Variants in EML1 observed in about 807,000 individuals in gnomAD.
EML1 encodes the protein EMAP like 1.
EML1 carries 27 observed loss-of-function variants against 110.4 expected under a neutral mutation model. The ratio of observed to expected loss-of-function variants is 0.24; its 90% CI spans 0.18 to 0.34. EML1 has a LOEUF of 0.34. EML1 is among the 10% of genes least tolerant of loss of function. The probability of loss-of-function intolerance (pLI) is 1.00; values close to 1 mark genes in which losing one functional copy is unlikely to be tolerated. For missense variants in EML1, 741 were observed against 1,030.9 expected, an observed-to-expected ratio of 0.72 and a Z score of 3.85; for synonymous variants, 344 against 385.8, an observed-to-expected ratio of 0.89 and a Z score of 1.27.
intron 3 of EML1, among the ~76,000 whole-genome samples, chr14:99,874,264 C>G (rs1227138279): frequency 6.6e-6 from 1 of 152,124 alleles, no homozygotes; most frequent in Non-Finnish European, 1.5e-5. Flanking sequence ...TATAAAGAAC[C>G]ATTTATTTTC....
At chr14:99,769,428 A>C (rs2057400440), upstream of EML1, among the ~76,000 whole-genome samples, 2 of 152,172 alleles carry the variant, frequency 1.3e-5, no homozygotes, top group South Asian at 4.1e-4. Context: ...CTCAGTAGGC[A>C]GTGCTGGCCC....
At chr14:99,833,283 T>C (rs910122478) in intron 1 of EML1, among the ~76,000 whole-genome samples, 2 of 152,236 alleles carry the variant, frequency 1.3e-5, no homozygotes, top group African/African-American at 4.8e-5. Context: ...CTCTACTGAA[T>C]TGCCTTTGTA....
chr14:99,902,949 T>C (rs2059785651), intron 9 of EML1, among the ~76,000 whole-genome samples: 1 of 152,108 alleles, frequency 6.6e-6, no homozygotes, highest in African/African-American at 2.4e-5. Flanking sequence ...AGCATGCCAT[T>C]CCTGTGAAAA....
Position 99,821,331 on chromosome 14 carries a change from C to T in EML1, c.67+27788C>T, listed in dbSNP as rs940824316. Among the ~76,000 whole-genome samples the T allele has an allele frequency of 4.6e-5, 7 of 152,164 alleles. No individual in the cohort carries two copies. The South Asian group carries it at 6.2e-4, about 13-fold the overall frequency. On this transcript the variant is annotated intron_variant, in intron 1 of 21. Coordinates refer to ENST00000262233, the MANE Select transcript of EML1 (RefSeq NM_004434.3). ...CTCTTACTTTAACTTTTAAATTTTT[C>T]CTGCTTTTATATAGAGCTTTTTAAA...
At chr14:99,928,919 CTT>C (rs1322113165) in intron 17 of EML1, among the ~76,000 whole-genome samples, 1 of 152,178 alleles carries the variant, frequency 6.6e-6, no homozygotes, top group African/African-American at 2.4e-5. Context: ...TATCACATTT[CTT>C]TCTGTTAATT....
Position 99,840,274 on chromosome 14 carries a change from G to T in EML1, c.68-10579G>T, listed in dbSNP as rs570313690. Among the ~76,000 whole-genome samples, 9 of 152,292 alleles carry T rather than the reference G, an allele frequency of 5.9e-5. No individual in the cohort carries two copies. In the East Asian group the frequency reaches 1.7e-3, roughly 29 times the overall value. On this transcript the variant is annotated intron_variant, in intron 1 of 21. Coordinates refer to ENST00000262233, the MANE Select transcript of EML1 (RefSeq NM_004434.3). ...AATATTTTGGAAAAGGCAAAATGAT[G>T]TAAAAATTCTATGTGTATTTTACTT...
rs114521990 is a variant in EML1, at chr14:99,785,694, C to T, written c.-27+11681C>T. 2.0e-3 allele frequency among the ~76,000 whole-genome samples: 311 copies of T among 152,286 alleles called. 2 individuals are homozygous for T. Among genetic ancestry groups the T allele is most frequent in the African/African-American group, 7.3e-3 (302 of 41,556 alleles). ...TGTAAACACTTGGAAGGAAAAGTGGCGCCTAAGAGCCAAACCAACCTCGTT... is the reference window on the plus strand; with the variant it reads ...TGTAAACACTTGGAAGGAAAAGTGGTGCCTAAGAGCCAAACCAACCTCGTT... On this transcript the variant is annotated intron_variant, in intron 1 of 22. Transcript: ENST00000327921.
chr14:99,767,600 C>T (rs1185943181), intron 1 of EML1, among the ~76,000 whole-genome samples: 1 of 151,896 alleles, frequency 6.6e-6, no homozygotes, highest in African/African-American at 2.4e-5. Flanking sequence ...CAGAGTGAGA[C>T]TCCATCTCAA....
intron 1 of EML1, among the ~76,000 whole-genome samples, chr14:99,763,629 A>G (rs1430512137): frequency 6.6e-6 from 1 of 152,156 alleles, no homozygotes; most frequent in Non-Finnish European, 1.5e-5. Flanking sequence ...ACTTAGACTC[A>G]TGCCCAATGA....
At chr14:99,887,980 G>C (rs2059511203) in intron 4 of EML1, among the ~76,000 whole-genome samples, 1 of 152,198 alleles carries the variant, frequency 6.6e-6, no homozygotes, top group African/African-American at 2.4e-5. Context: ...TTTTAGAAAA[G>C]GTGGTGGTGC....
upstream of EML1, among the ~76,000 whole-genome samples, chr14:99,788,524 G>A (rs566075392): frequency 1.8e-4 from 27 of 152,252 alleles, no homozygotes; most frequent in African/African-American, 6.0e-4. Context: ...AGGGAGGATC[G>A]TTTGAGCCCA....
In EML1 at chr14:99,793,508, T is replaced by C; in HGVS notation, c.32T>C (p.Leu11Pro). ...GACGGCTTCTCCAGCTACAGCAGCC[T>C]GTACGACACGTCCTCGCTGCTCCAG... MEDGFSSYSS[L>P]YDTSSLLQFC... The change falls in exon 1 of 22, where the codon CTG (leucine) becomes CCG (proline). Residue 11 changes from leucine (L) to proline (P), a missense_variant. Leu to Pro is a moderately conservative substitution (Grantham distance 98). This residue lies in a region of EML1 where 226 missense variants were observed against 255.6 expected (regional missense o/e 0.88). Coordinates refer to ENST00000262233, the MANE Select transcript of EML1 (RefSeq NM_004434.3). The C allele has an allele frequency of 9.5e-7, 1 of 1,048,066 alleles. No individual in the cohort carries two copies. Among genetic ancestry groups the C allele is most frequent in the Non-Finnish European group, 1.2e-6 (1 of 866,388 alleles). 64.9% of individuals were successfully genotyped at this position (1,048,066 alleles called of 1,614,324 possible). A position where few individuals can be genotyped will look rare whatever the true frequency, so the allele number is the denominator to read the frequency against.
At chr14:99,832,611 T>C (rs2058477613) in intron 1 of EML1, among the ~76,000 whole-genome samples, 1 of 152,236 alleles carries the variant, frequency 6.6e-6, no homozygotes, top group African/African-American at 2.4e-5. Flanking sequence ...ATTTCCCTAA[T>C]GACTAATGAT....
chr14:99,800,443 C>T (rs1006103232), intron 1 of EML1, among the ~76,000 whole-genome samples: 2 of 151,958 alleles, frequency 1.3e-5, no homozygotes, highest in Admixed American at 1.3e-4. Context: ...GGCTCACTGA[C>T]CTCGAACCCT....
At chr14:99,843,677 TAA>T (rs1490669545) in intron 1 of EML1, among the ~76,000 whole-genome samples, 2 of 152,212 alleles carry the variant, frequency 1.3e-5, no homozygotes, top group African/African-American at 4.8e-5. Context: ...TCCGTGCTCT[TAA>T]AGACTGAAGT....
At chr14:99,855,724 A>G (rs1278788984) in intron 2 of EML1, among the ~76,000 whole-genome samples, 3 of 152,258 alleles carry the variant, frequency 2.0e-5, no homozygotes, top group Admixed American at 6.5e-5. Flanking sequence ...TTTTACAATC[A>G]GTTATACCAA....
chr14:99,791,326 C>T (rs545292529), upstream of EML1, among the ~76,000 whole-genome samples: 48 of 152,328 alleles, frequency 3.2e-4, no homozygotes, highest in Non-Finnish European at 5.4e-4. Context: ...GAGAACTCTA[C>T]GCAAATGCCC....
chr14:99,753,093 G>T (rs1011403577), intron 1 of EML1, among the ~76,000 whole-genome samples: 1 of 151,966 alleles, frequency 6.6e-6, no homozygotes, highest in African/African-American at 2.4e-5. Flanking sequence ...AGCCGGCACA[G>T]TGGGCAGGAC....
At chr14:99,768,995 G>C (rs532107579), upstream of EML1, among the ~76,000 whole-genome samples, 10 of 152,294 alleles carry the variant, frequency 6.6e-5, no homozygotes, top group African/African-American at 2.4e-4. Context: ...TGGGATTACA[G>C]GCGTAAGCCA....
Sources: allele counts gnomAD v4.1 joint callset (sites outside exome capture counted in the v4.1 genomes callset), GRCh38; gene constraint gnomAD v4.1.1; regional missense constraint gnomAD v4.1.1; transcripts MANE v1.5; gene names NCBI Gene and HGNC (gene_info 2026-07-23, HGNC 2026-07-21).